The following SLC12A6 variants were observed in gnomAD, a reference collection of about 807,000 sequenced individuals.
SLC12A6 encodes the protein K-Cl cotransporter 3.
In SLC12A6, 66 loss-of-function variants were observed where a neutral mutation model predicts 135.3. The ratio of observed to expected loss-of-function variants is 0.49; its 90% CI spans 0.40 to 0.60. The LOEUF is 0.60. SLC12A6 is among the 20% of genes least tolerant of loss of function. The pLI is 0.00. For synonymous variants in SLC12A6, 513 were observed against 508.8 expected (o/e 1.01, Z -0.11); for missense variants, 1,058 against 1,452.3 (o/e 0.73, Z 4.41).
chr15:34,231,588 C>CT lies in SLC12A6; in HGVS notation c.*2292dup, dbSNP rs1491392673. On this transcript the variant is annotated 3_prime_UTR_variant, in exon 26 of 26. Coordinates refer to ENST00000354181, the MANE Select transcript of SLC12A6 (RefSeq NM_001365088.1). The stretch of plus-strand genomic sequence containing the variant: ...TCAAAATTACTCAATTTCTTTCTTT[C>CT]TTTCTTTTTTTTTTTTTTTGAGATG... 5.8e-5 allele frequency: 6 copies of CT among 104,240 alleles called. No individual in the cohort carries two copies. Among genetic ancestry groups the CT allele is most frequent in the Non-Finnish European group, 6.4e-5 (3 of 46,526 alleles). The allele number at this position is 104,240 out of a possible 1,614,324, so 6.5% of individuals were successfully genotyped here. A position where few individuals can be genotyped will look rare whatever the true frequency, so the allele number is the denominator to read the frequency against.
chr15:34,238,521 A>G, intron 20 of SLC12A6, 120 bp from the exon 21 acceptor site: 1 of 771,152 alleles, frequency 1.3e-6, no homozygotes, highest in Non-Finnish European at 2.2e-6. Flanking sequence ...CTATTTACTT[A>G]GTAGGTTATT....
At chr15:34,329,499 G>C (rs1353077677) in intron 2 of SLC12A6, among the ~76,000 whole-genome samples, 1 of 151,948 alleles carries the variant, frequency 6.6e-6, no homozygotes, top group Non-Finnish European at 1.5e-5. Context: ...TTCCAGTAAA[G>C]GTAATATCAA....
intron 2 of SLC12A6, among the ~76,000 whole-genome samples, chr15:34,291,887 CCTTTTTTCAAAGATTTTAGCT>C (rs1479100164): frequency 6.6e-6 from 1 of 152,080 alleles, no homozygotes; most frequent in Non-Finnish European, 1.5e-5. Context: ...ATTTGTCCTA[CCTTTTTTCAAAGATTTTAGCT>C]TCCTTGCAAT....
rs118068248 is a variant in SLC12A6 at position 34,335,900 on chromosome 15, C to A, written c.271+510G>T. Reference sequence around the variant, plus strand: ...CCTGAGTGGGCTTAGCTACTTGTGTCAAGGTCTCCATAAAAATACAGATTT... The same window carrying A: ...CCTGAGTGGGCTTAGCTACTTGTGTAAAGGTCTCCATAAAAATACAGATTT... On this transcript the variant is annotated intron_variant, in intron 2 of 25. Transcript: ENST00000354181. Among the ~76,000 whole-genome samples, 109 of 152,300 alleles carry A rather than the reference C, an allele frequency of 7.2e-4. 2 individuals carry two copies. The East Asian group carries it at 0.02, about 27-fold the overall frequency.
chr15:34,237,424 C>A lies in SLC12A6; in HGVS notation c.2929G>T (p.Glu977Ter). 6.2e-7 allele frequency: 1 copy of A among 1,612,262 alleles called. No individual in the cohort carries two copies. Among genetic ancestry groups the A allele is most frequent in the South Asian group, 1.1e-5 (1 of 90,962 alleles). The part of the protein sequence containing the change: ...LRIEAEVEVV[E>*]MHDSDISAYT... The stretch of plus-strand genomic sequence containing the variant: ...CTCAAACTCAGCTTTCTCACCATCT[C>A]CACCACTTCTACCTCCGCCTCAATG... Residue 977 changes from glutamate to a stop codon, truncating the protein, a stop_gained, in exon 22 of 26, where the codon GAG (glutamate) becomes TAG (stop). Transcript: ENST00000354181. LOFTEE classifies it high-confidence loss of function.
At chr15:34,304,255 T>A (rs1461897093) in intron 2 of SLC12A6, among the ~76,000 whole-genome samples, 2 of 152,220 alleles carry the variant, frequency 1.3e-5, no homozygotes, top group Non-Finnish European at 2.9e-5. Flanking sequence ...CAGTACTTTG[T>A]TTTTATTGCC....
chr15:34,294,593 G>T (rs1325618607), intron 2 of SLC12A6, among the ~76,000 whole-genome samples: 1 of 151,216 alleles, frequency 6.6e-6, no homozygotes, highest in Non-Finnish European at 1.5e-5. Context: ...TAAGATACAG[G>T]GTCTTGTTCT....
intron 3 of SLC12A6, among the ~76,000 whole-genome samples, chr15:34,266,008 CTTTTTTTTTTT>C (rs34173980): frequency 9.8e-6 from 1 of 102,322 alleles, no homozygotes; most frequent in Non-Finnish European, 1.9e-5. Context: ...ATACAGAAAG[CTTTTTTTTTTT>C]TTTTTTTTTT....
In SLC12A6 at chr15:34,245,328, T is replaced by C. The variant is rs1177911924; in HGVS notation, c.1900A>G (p.Ile634Val). Residue 634 changes from isoleucine to valine, a missense_variant, in exon 15 of 26, where the codon ATA (isoleucine) becomes GTA (valine). Transcript: ENST00000354181. ...ACAAGATCCAGGGAGGCAATGAGTA[T>C]TCCAAGCTCTGCAATGGCAGCAGTT... ...LLTAAIAELG[I>V]LIASLDLVAP... The C allele has an allele frequency of 6.2e-7, 1 of 1,612,998 alleles. No individual in the cohort carries two copies. The highest frequency in any genetic ancestry group is 1.7e-5 in the Admixed American group (1 of 60,028).
intron 2 of SLC12A6, among the ~76,000 whole-genome samples, chr15:34,305,024 T>C (rs6495651): frequency 0.027 from 4,152 of 152,198 alleles, 191 homozygotes; most frequent in African/African-American, 0.095. Flanking sequence ...TCAAGGGAAA[T>C]AGGGATTTGG....
At chr15:34,254,982 G>A (rs933809418) in intron 8 of SLC12A6, among the ~76,000 whole-genome samples, 1 of 152,172 alleles carries the variant, frequency 6.6e-6, no homozygotes, top group Non-Finnish European at 1.5e-5. Flanking sequence ...TAGGGATGAA[G>A]ATATCAAAAA....
At chr15:34,289,162 A>G (rs1200244639) in intron 2 of SLC12A6, among the ~76,000 whole-genome samples, 1 of 152,184 alleles carries the variant, frequency 6.6e-6, no homozygotes, top group African/African-American at 2.4e-5. Flanking sequence ...ATGTTCCATC[A>G]ATACCTAGTT....
At chr15:34,248,561 C>A (rs1224110965) in intron 13 of SLC12A6, among the ~76,000 whole-genome samples, 2 of 79,420 alleles carry the variant, frequency 2.5e-5, no homozygotes, top group African/African-American at 7.7e-5. Context: ...CATATATACA[C>A]CCCCACCCAC....
chr15:34,262,157 C>T (rs901575824), intron 3 of SLC12A6, among the ~76,000 whole-genome samples: 1 of 152,198 alleles, frequency 6.6e-6, no homozygotes, highest in Non-Finnish European at 1.5e-5. Context: ...ACCTCTCTTC[C>T]CGTTTGGCAT....
chr15:34,278,979 G>A (rs756671241), intron 2 of SLC12A6, among the ~76,000 whole-genome samples: 4 of 152,028 alleles, frequency 2.6e-5, no homozygotes, highest in African/African-American at 4.8e-5. Flanking sequence ...GTAATGTGAA[G>A]ACTAACCTCC....
At chr15:34,330,129 T>A (rs959211658) in intron 2 of SLC12A6, among the ~76,000 whole-genome samples, 1 of 152,218 alleles carries the variant, frequency 6.6e-6, no homozygotes, top group Non-Finnish European at 1.5e-5. Context: ...TCAATTGTTT[T>A]ATGCACATCA....
At chr15:34,303,911 G>T (rs1259480554) in intron 2 of SLC12A6, among the ~76,000 whole-genome samples, 1 of 152,138 alleles carries the variant, frequency 6.6e-6, no homozygotes, top group Non-Finnish European at 1.5e-5. Context: ...TGTTATAGCA[G>T]CATGAAACAT....
At chr15:34,312,442 C>G (rs75422834) in intron 2 of SLC12A6, among the ~76,000 whole-genome samples, 2,719 of 152,232 alleles carry the variant, frequency 0.018, 90 homozygotes, top group African/African-American at 0.063. Context: ...AATGATCTGA[C>G]GAAGTCCTCA....
rs1890925278 is a variant in SLC12A6 at position 34,231,441 on chromosome 15, C to T, written c.*2440G>A. The T allele has an allele frequency of 6.6e-6, 1 of 151,674 alleles. No homozygotes were observed. The highest frequency in any genetic ancestry group is 1.5e-5 in the Non-Finnish European group (1 of 67,974). 9.4% of individuals were successfully genotyped at this position (151,674 alleles called of 1,614,324 possible). A position where few individuals can be genotyped will look rare whatever the true frequency, so the allele number is the denominator to read the frequency against. On this transcript the variant is annotated 3_prime_UTR_variant, in exon 26 of 26. Coordinates refer to ENST00000354181, the MANE Select transcript of SLC12A6 (RefSeq NM_001365088.1). ...AACTCAACTAAGCAATGGAGTGTTGCAGTGGGAGTTGTAAATAATGCTTCT... is the reference window on the plus strand; with the variant it reads ...AACTCAACTAAGCAATGGAGTGTTGTAGTGGGAGTTGTAAATAATGCTTCT...
Sources: gnomAD v4.1 joint callset for allele counts (sites outside exome capture counted in the v4.1 genomes callset) on GRCh38, gnomAD v4.1.1 for gene constraint, MANE v1.5 for transcripts, NCBI Gene and HGNC (gene_info 2026-07-23, HGNC 2026-07-21) for gene names.